The following GALNT18 variants were observed in gnomAD, a reference collection of about 807,000 sequenced individuals.
GALNT18 encodes GalNAc-transferase 18.
A neutral mutation model predicts 69.5 loss-of-function variants in GALNT18; 44 were observed. That is an observed-to-expected ratio of 0.63 (90% CI 0.50 to 0.81). The LOEUF (loss-of-function observed/expected upper bound fraction) is 0.81, where lower values mean the gene tolerates loss of function less well. GALNT18 is among the 40% of genes least tolerant of loss of function. The probability of loss-of-function intolerance (pLI) is 0.00; values close to 1 mark genes in which losing one functional copy is unlikely to be tolerated. For synonymous variants in GALNT18, 364 were observed against 318.2 expected (o/e 1.14, Z -1.53); for missense variants, 715 against 810.0 (o/e 0.88, Z 1.42).
rs1859739568 is a variant in GALNT18 at position 11,605,764 on chromosome 11, A to C, written c.235+15595T>G. Among the ~76,000 whole-genome samples, 1 of 152,122 alleles carries C rather than the reference A, an allele frequency of 6.6e-6. No individual in the cohort carries two copies. The highest frequency in any genetic ancestry group is 2.4e-5 in the African/African-American group (1 of 41,448). ...AGTTTACTTTTTACCTTCTGCACCC[A>C]CTAGATTGTTTTAGTTTGAAAGTGA... On this transcript the variant is annotated intron_variant, in intron 1 of 10. Transcript: ENST00000227756. This position sits in a 1 kb window ranked among gnomAD's most constrained non-coding sequence, Gnocchi z 4.7.
chr11:11,297,106 T>G (rs1444372102), intron 9 of GALNT18, among the ~76,000 whole-genome samples: 1 of 152,086 alleles, frequency 6.6e-6, no homozygotes. Context: ...TTGGTTGTCA[T>G]GATGGTGGGG....
intron 9 of GALNT18, among the ~76,000 whole-genome samples, chr11:11,293,540 T>TTTTC (rs1849344827): frequency 1.9e-5 from 2 of 105,120 alleles, no homozygotes; most frequent in Admixed American, 1.0e-4. Context: ...CCTCTTTTTT[T>TTTTC]TTTTTTTTTT....
rs7931202 is a variant in GALNT18 at position 11,595,965 on chromosome 11, T to C, written c.235+25394A>G. ...TCATACCTAAGTGGCCTTTGCCTAA[T>C]CTAAAGTCACAAAGATTTAGGTTTG... On this transcript the variant is annotated intron_variant, in intron 1 of 10. Coordinates refer to ENST00000227756, the MANE Select transcript of GALNT18 (RefSeq NM_198516.3). This position sits in a 1 kb window ranked among gnomAD's most constrained non-coding sequence, Gnocchi z 5.2. 0.023 allele frequency among the ~76,000 whole-genome samples: 3,542 copies of C among 152,276 alleles called. 150 individuals carry two copies. Among genetic ancestry groups the C allele is most frequent in the African/African-American group, 0.081 (3,369 of 41,566 alleles).
intron 9 of GALNT18, among the ~76,000 whole-genome samples, chr11:11,307,541 T>C (rs1379277741): frequency 1.3e-5 from 2 of 152,156 alleles, no homozygotes; most frequent in East Asian, 3.9e-4. Flanking sequence ...AGAGCTGGGA[T>C]CTGAACTCAA....
In GALNT18 at chr11:11,435,392, C is replaced by A. The variant is rs547082094; in HGVS notation, c.429-2605G>T. On this transcript the variant is annotated intron_variant, in intron 2 of 10. Coordinates refer to ENST00000227756, the MANE Select transcript of GALNT18 (RefSeq NM_198516.3). This position sits in a 1 kb window ranked among gnomAD's most constrained non-coding sequence, Gnocchi z 4.4. ...CTGGTCTCCGGATGGTCTTTCTCCACGCAGAATGAAATGCTGTATTTGTAT... is the reference window on the plus strand; with the variant it reads ...CTGGTCTCCGGATGGTCTTTCTCCAAGCAGAATGAAATGCTGTATTTGTAT... 6.6e-6 allele frequency among the ~76,000 whole-genome samples: 1 copy of A among 152,176 alleles called. No homozygotes were observed. Among genetic ancestry groups the A allele is most frequent in the African/African-American group, 2.4e-5 (1 of 41,438 alleles).
chr11:11,372,595 G>A lies in GALNT18; in HGVS notation c.1012C>T (p.Arg338Trp), dbSNP rs762832489. 18 of 1,614,146 alleles carry A rather than the reference G, an allele frequency of 1.1e-5. No homozygotes were observed. Among genetic ancestry groups the A allele is most frequent in the East Asian group, 2.2e-5 (1 of 44,868 alleles). Reference sequence around the variant, plus strand: ...AGGCCGATCTCCTGGAAGTACTGCCGGTCCACAATGAAGCAGCCAATGAGG... The same window carrying A: ...AGGCCGATCTCCTGGAAGTACTGCCAGTCCACAATGAAGCAGCCAATGAGG... ...PALIGCFIVD[R>W]QYFQEIGLLD... Residue 338 changes from arginine (R) to tryptophan (W), a missense_variant, in exon 6 of 11, where the codon CGG becomes TGG. Physicochemically the swap from Arg to Trp is moderately radical, Grantham distance 101. Transcript: ENST00000227756. This position sits in a 1 kb window ranked among gnomAD's most constrained non-coding sequence, Gnocchi z 4.9.
chr11:11,533,795 G>T (rs564835742), intron 1 of GALNT18, among the ~76,000 whole-genome samples: 8 of 152,324 alleles, frequency 5.3e-5, no homozygotes, highest in Admixed American at 5.2e-4. Context: ...TTTTCTCCCA[G>T]TGCCATTCCG....
At chr11:11,556,045 G>T (rs564040521) in intron 1 of GALNT18, among the ~76,000 whole-genome samples, 2 of 152,148 alleles carry the variant, frequency 1.3e-5, no homozygotes, top group Non-Finnish European at 2.9e-5. Context: ...CAAAACAATC[G>T]CATGGAACTG....
chr11:11,469,794 A>G lies in GALNT18; in HGVS notation c.236-20858T>C, dbSNP rs1409195398. On this transcript the variant is annotated intron_variant, in intron 1 of 10. Coordinates refer to ENST00000227756, the MANE Select transcript of GALNT18 (RefSeq NM_198516.3). The surrounding 1 kb of genome is among the most constrained non-coding windows in gnomAD (Gnocchi z 4.2). ...CTTGCAGACTTTTCCAAAGGTATTT[A>G]GGGGCTCAGGTGGCAGTTAGACATG... is the stretch of plus-strand genomic sequence containing the variant. 2.0e-5 allele frequency among the ~76,000 whole-genome samples: 3 copies of G among 152,142 alleles called. No individual in the cohort carries two copies. The highest frequency in any genetic ancestry group is 4.4e-5 in the Non-Finnish European group (3 of 68,026).
chr11:11,601,254 A>G lies in GALNT18; in HGVS notation c.235+20105T>C, dbSNP rs142001357. On this transcript the variant is annotated intron_variant, in intron 1 of 10. Coordinates refer to ENST00000227756, the MANE Select transcript of GALNT18 (RefSeq NM_198516.3). This position sits in a 1 kb window ranked among gnomAD's most constrained non-coding sequence, Gnocchi z 4.0. Reference sequence around the variant, plus strand: ...TTGAATACTGATTAATCCCCCACCCAAGGACTTCTTGTTGTTGCACTATAT... The same window carrying G: ...TTGAATACTGATTAATCCCCCACCCGAGGACTTCTTGTTGTTGCACTATAT... Among the ~76,000 whole-genome samples, 542 of 152,286 alleles carry G rather than the reference A, an allele frequency of 3.6e-3. 2 individuals are homozygous for G. The highest frequency in any genetic ancestry group is 0.012 in the African/African-American group (502 of 41,552).
At chr11:11,346,041 G>A (rs893015874) in intron 6 of GALNT18, among the ~76,000 whole-genome samples, 7 of 152,136 alleles carry the variant, frequency 4.6e-5, no homozygotes, top group Non-Finnish European at 5.9e-5. Flanking sequence ...GCTATCGCAC[G>A]TCCTGAATAA....
At chr11:11,610,945 TA>T (rs1311813170) in intron 1 of GALNT18, among the ~76,000 whole-genome samples, 2 of 152,156 alleles carry the variant, frequency 1.3e-5, no homozygotes, top group Non-Finnish European at 2.9e-5. Context: ...ATGAACCATA[TA>T]AACACAAAGC....
chr11:11,534,155 G>A (rs1286147003), intron 1 of GALNT18, among the ~76,000 whole-genome samples: 1 of 152,220 alleles, frequency 6.6e-6, no homozygotes, highest in Non-Finnish European at 1.5e-5. Context: ...ACCAGACTTT[G>A]GTGTCCAGGC....
Position 11,345,115 on chromosome 11 carries a change from C to T in GALNT18, c.1093-4111G>A, listed in dbSNP as rs577910976. On this transcript the variant is annotated intron_variant, in intron 6 of 10. Transcript: ENST00000227756. ...CCCAGCCCAGCAGAGGGGTACACAA[C>T]GCTCCCTTCTCAGAGACAGGGAGCA... Among the ~76,000 whole-genome samples the T allele has an allele frequency of 2.1e-4, 32 of 152,328 alleles. 1 individual carries two copies. The highest frequency in any genetic ancestry group is 1.4e-3 in the East Asian group (7 of 5,174).
intron 1 of GALNT18, among the ~76,000 whole-genome samples, chr11:11,547,572 T>C (rs975272451): frequency 1.3e-5 from 2 of 152,104 alleles, no homozygotes; most frequent in African/African-American, 2.4e-5. Context: ...AGCCCCTCTT[T>C]GATACCCATT....
In GALNT18 at chr11:11,275,231, G is replaced by A. The variant is rs572301426; in HGVS notation, c.1678-3941C>T. Among the ~76,000 whole-genome samples, 14 of 152,250 alleles carry A rather than the reference G, an allele frequency of 9.2e-5. 1 individual carries two copies. The South Asian group carries it at 2.1e-3, about 23-fold the overall frequency. ...GTTGTTTCCTGACTTTTTAATGATCGCCATTCTAACTGGTGTGAGATGGTA... is the reference window on the plus strand; with the variant it reads ...GTTGTTTCCTGACTTTTTAATGATCACCATTCTAACTGGTGTGAGATGGTA... On this transcript the variant is annotated intron_variant, in intron 10 of 10. Coordinates refer to ENST00000227756, the MANE Select transcript of GALNT18 (RefSeq NM_198516.3).
intron 6 of GALNT18, among the ~76,000 whole-genome samples, chr11:11,358,305 A>G (rs1309637969): frequency 7.1e-6 from 1 of 140,812 alleles, no homozygotes; most frequent in Non-Finnish European, 1.6e-5. Flanking sequence ...GAATAGACAG[A>G]TGAATAATGC....
rs1292900176 is a variant in GALNT18 at position 11,444,429 on chromosome 11, T to C, written c.428+4315A>G. On this transcript the variant is annotated intron_variant, in intron 2 of 10. Coordinates refer to ENST00000227756, the MANE Select transcript of GALNT18 (RefSeq NM_198516.3). The surrounding 1 kb of genome is among the most constrained non-coding windows in gnomAD (Gnocchi z 4.4). ...ACCTCTGTCTGGGTTCCCATCTCAGTGTAAACTCCAGGAGATATCCGTCCG... is the reference window on the plus strand; with the variant it reads ...ACCTCTGTCTGGGTTCCCATCTCAGCGTAAACTCCAGGAGATATCCGTCCG... Among the ~76,000 whole-genome samples the C allele has an allele frequency of 6.6e-6, 1 of 152,182 alleles. No individual in the cohort carries two copies. Among genetic ancestry groups the C allele is most frequent in the African/African-American group, 2.4e-5 (1 of 41,436 alleles).
intron 1 of GALNT18, among the ~76,000 whole-genome samples, chr11:11,580,058 C>CA (rs1159276038): frequency 2.6e-5 from 4 of 152,078 alleles, no homozygotes; most frequent in African/African-American, 9.7e-5. Flanking sequence ...CAACTTCAGA[C>CA]AAAAAAGCAA....
Sources: gnomAD v4.1 joint callset for allele counts (sites outside exome capture counted in the v4.1 genomes callset) on GRCh38, gnomAD v4.1.1 for gene constraint, Gnocchi (gnomAD v3.1) non-coding constraint, MANE v1.5 for transcripts, NCBI Gene and HGNC (gene_info 2026-07-23, HGNC 2026-07-21) for gene names.